The following CHD5 variants were observed in gnomAD, a reference collection of about 807,000 sequenced individuals.
CHD5 encodes chromodomain helicase DNA binding protein 5, also known as ATP-dependent chromatin remodeler CHD5.
In CHD5, 69 loss-of-function variants were observed where a neutral mutation model predicts 230.3. That is an observed-to-expected ratio of 0.30 (90% CI 0.25 to 0.37). The LOEUF is 0.37. Among genes scored for constraint, CHD5 ranks in the 10% least tolerant of loss-of-function variants. The probability of loss-of-function intolerance (pLI) is 1.00; values close to 1 mark genes in which losing one functional copy is unlikely to be tolerated. For missense variants in CHD5, 1,827 were observed against 2,622.8 expected (o/e 0.70, Z 6.63); for synonymous variants, 1,064 against 1,065.9 (o/e 1.00, Z 0.03).
At position 6,131,015 on chromosome 1, in the gene CHD5, C is replaced by T. The variant is rs191686224; in HGVS notation, c.3262+616G>A. ...ATCACTGCTTTGGGCGTTTGGAGAG[C>T]GTGGCCCCAGCCCCTAAGGGCTGAC... On this transcript the variant is annotated intron_variant, in intron 21 of 41. Coordinates refer to ENST00000262450, the MANE Select transcript of CHD5 (RefSeq NM_015557.3). The surrounding 1 kb of genome is among the most constrained non-coding windows in gnomAD (Gnocchi z 5.0). Among the ~76,000 whole-genome samples, 75 of 152,382 alleles carry T rather than the reference C, an allele frequency of 4.9e-4. No homozygotes were observed. The highest frequency in any genetic ancestry group is 1.7e-3 in the African/African-American group (71 of 41,596).
In CHD5 at chr1:6,154,296, G is replaced by A. The variant is rs1667047863; in HGVS notation, c.745+364C>T. 6.6e-6 allele frequency among the ~76,000 whole-genome samples: 1 copy of A among 152,150 alleles called. No homozygotes were observed. ...GGCACAGGCTCAAACCCAAGAGCCT[G>A]CCAACTCCCAGAAACCCAGGCTGGA... On this transcript the variant is annotated intron_variant, in intron 5 of 41. Transcript: ENST00000262450. This position sits in a 1 kb window ranked among gnomAD's most constrained non-coding sequence, Gnocchi z 7.0.
rs1362562444 is a variant in CHD5, at chr1:6,121,062, C to A, written c.4912+43G>T. 6 of 1,536,542 alleles carry A rather than the reference C, an allele frequency of 3.9e-6. No homozygotes were observed. The highest frequency in any genetic ancestry group is 3.5e-6 in the Non-Finnish European group (4 of 1,146,014). On this transcript the variant is annotated intron_variant, in intron 33 of 41. Coordinates refer to ENST00000262450, the MANE Select transcript of CHD5 (RefSeq NM_015557.3). The surrounding 1 kb of genome is among the most constrained non-coding windows in gnomAD (Gnocchi z 4.5). ...TTCTCTGAACCCAGGCCTGCTGAGGCCAGACATGGCACTGGGGTGGGTGGC... is the reference window on the plus strand; with the variant it reads ...TTCTCTGAACCCAGGCCTGCTGAGGACAGACATGGCACTGGGGTGGGTGGC...
intron 3 of CHD5, among the ~76,000 whole-genome samples, chr1:6,157,612 C>T (rs949272378): frequency 3.3e-5 from 5 of 152,154 alleles, no homozygotes; most frequent in African/African-American, 9.7e-5. Context: ...ATCCAGGCTG[C>T]GGGAGGCCTC....
chr1:6,158,630 A>C (rs1026007256), intron 3 of CHD5, among the ~76,000 whole-genome samples: 1 of 152,018 alleles, frequency 6.6e-6, no homozygotes, highest in Non-Finnish European at 1.5e-5. Flanking sequence ...TCCTTCTAAA[A>C]AAGAAAAAAA....
At chr1:6,107,001 T>G (rs1187280376) in intron 38 of CHD5, among the ~76,000 whole-genome samples, 4 of 65,246 alleles carry the variant, frequency 6.1e-5, no homozygotes, top group Non-Finnish European at 8.8e-5. Context: ...GATGGAGGGA[T>G]GATGGAGGGA....
chr1:6,178,440 TAACA>T (rs1337994795), intron 1 of CHD5, among the ~76,000 whole-genome samples: 1 of 152,042 alleles, frequency 6.6e-6, no homozygotes, highest in Admixed American at 6.5e-5. Flanking sequence ...CCAAACACCA[TAACA>T]AACAACTTGC....
chr1:6,130,450 A>G lies in CHD5; in HGVS notation c.3263-122T>C. 2.1e-6 allele frequency: 2 copies of G among 938,216 alleles called. No individual in the cohort carries two copies. The highest frequency in any genetic ancestry group is 3.2e-5 in the South Asian group (2 of 61,960). 58.1% of individuals were successfully genotyped at this position (938,216 alleles called of 1,614,324 possible). On this transcript the variant is annotated intron_variant, in intron 21 of 41. Coordinates refer to ENST00000262450, the MANE Select transcript of CHD5 (RefSeq NM_015557.3). The surrounding 1 kb of genome is among the most constrained non-coding windows in gnomAD (Gnocchi z 4.9). The stretch of plus-strand genomic sequence containing the variant: ...AACAGATCCCTGGCAGAGAAGGACA[A>G]AGCCGGAGACCCCATCAGAGACGGG...
rs1666710352 is a variant in CHD5 at position 6,134,599 on chromosome 1, G to A, written c.3012+119C>T. The A allele has an allele frequency of 1.8e-6, 2 of 1,127,370 alleles. No homozygotes were observed. Among genetic ancestry groups the A allele is most frequent in the Non-Finnish European group, 2.6e-6 (2 of 757,708 alleles). The allele number at this position is 1,127,370 out of a possible 1,614,324, so 69.8% of individuals were successfully genotyped here. ...AGGGAAACCTACCATGACAGCCACA[G>A]AAATCGCCACAATGGCCAGGAGAAC... On this transcript the variant is annotated intron_variant, in intron 19 of 41. Transcript: ENST00000262450. This position sits in a 1 kb window ranked among gnomAD's most constrained non-coding sequence, Gnocchi z 6.3.
At chr1:6,173,974 G>A (rs1320025291) in intron 1 of CHD5, among the ~76,000 whole-genome samples, 2 of 152,216 alleles carry the variant, frequency 1.3e-5, no homozygotes, top group African/African-American at 4.8e-5. Flanking sequence ...TCAGTCCTGA[G>A]TGGGGAGTGG....
chr1:6,180,090 C>G lies in CHD5; in HGVS notation c.-67G>C. ...GCCGGGCGCGGTGCCAGCCTTAACC[C>G]GTGCGCTGCCGGACCGGCGCGCGCG... On this transcript the variant is annotated 5_prime_UTR_variant, in exon 1 of 42. Transcript: ENST00000262450. The G allele has an allele frequency of 2.4e-6, 2 of 820,300 alleles. No individual in the cohort carries two copies. Among genetic ancestry groups the G allele is most frequent in the Non-Finnish European group, 3.1e-6 (2 of 647,866 alleles). 50.8% of individuals were successfully genotyped at this position (820,300 alleles called of 1,614,324 possible).
intron 2 of CHD5, among the ~76,000 whole-genome samples, chr1:6,165,552 C>T (rs895682250): frequency 1.3e-5 from 2 of 152,052 alleles, no homozygotes; most frequent in African/African-American, 2.4e-5. Context: ...CACATCACCC[C>T]GAGCCCATGG....
chr1:6,136,680 G>A, intron 16 of CHD5, 42 bp from the exon 17 acceptor site: 1 of 1,611,010 alleles, frequency 6.2e-7, no homozygotes, highest in Non-Finnish European at 8.5e-7. Context: ...GCTCTGGGCG[G>A]CCCCTCGCCC....
In CHD5 at chr1:6,151,175, C is replaced by T; in HGVS notation, c.871-20G>A. On this transcript the variant is annotated intron_variant, in intron 6 of 41. Coordinates refer to ENST00000262450, the MANE Select transcript of CHD5 (RefSeq NM_015557.3). ...TTCACTCTGCAGGGGAAGACAGGGTCCTGTGATCCCAGGGCTTCACCCAGA... is the reference window on the plus strand; with the variant it reads ...TTCACTCTGCAGGGGAAGACAGGGTTCTGTGATCCCAGGGCTTCACCCAGA... 1 of 1,593,058 alleles carries T rather than the reference C, an allele frequency of 6.3e-7. No homozygotes were observed. The highest frequency in any genetic ancestry group is 8.6e-7 in the Non-Finnish European group (1 of 1,167,588).
chr1:6,106,558 G>A, intron 39 of CHD5, 49 bp from the exon 40 acceptor site: 1 of 1,550,478 alleles, frequency 6.4e-7, no homozygotes, highest in South Asian at 1.2e-5. Context: ...CCCCCACCCA[G>A]CCTCCACCCA....
Position 6,148,910 on chromosome 1 carries a change from G to A in CHD5, c.1327C>T (p.Leu443Phe). The change falls in exon 9 of 42, where the codon CTC becomes TTC. Residue 443 changes from leucine (L) to phenylalanine (F), a missense_variant. Coordinates refer to ENST00000262450, the MANE Select transcript of CHD5 (RefSeq NM_015557.3). ...ACPSSYHLHCLNPPLPEIPNG... is the reference protein window; with the variant it reads ...ACPSSYHLHCFNPPLPEIPNG... Reference sequence around the variant, plus strand: ...GGGATCTCGGGCAGCGGCGGGTTGAGGCAATGCAGGTGGTAGGAGGAGGGG... The same window carrying A: ...GGGATCTCGGGCAGCGGCGGGTTGAAGCAATGCAGGTGGTAGGAGGAGGGG... 6.3e-7 allele frequency: 1 copy of A among 1,591,908 alleles called. No individual in the cohort carries two copies. The highest frequency in any genetic ancestry group is 8.6e-7 in the Non-Finnish European group (1 of 1,168,330).
In CHD5 at chr1:6,128,164, A is replaced by G; in HGVS notation, c.3785T>C (p.Ile1262Thr). The change falls in exon 25 of 42, where the codon ATC (isoleucine) becomes ACC (threonine). Residue 1262 changes from isoleucine to threonine, a missense_variant. By Grantham distance (89) the Ile-to-Thr change is moderately conservative. Coordinates refer to ENST00000262450, the MANE Select transcript of CHD5 (RefSeq NM_015557.3). The surrounding 1 kb of genome is among the most constrained non-coding windows in gnomAD (Gnocchi z 7.8). ...CTGGTTCCGGTCCAGCAGCTTGGAG[A>G]TGGCCGCATCGTCATAGTGGATCAC... ...SSVIHYDDAA[I>T]SKLLDRNQDA... 2 of 1,614,052 alleles carry G rather than the reference A, an allele frequency of 1.2e-6. No homozygotes were observed. The highest frequency in any genetic ancestry group is 1.7e-6 in the Non-Finnish European group (2 of 1,179,996).
chr1:6,135,119 C>G (rs368976821), intron 18 of CHD5, 111 bp downstream of exon 18: 1 of 1,285,856 alleles, frequency 7.8e-7, no homozygotes, highest in African/African-American at 1.5e-5. Flanking sequence ...AAGCATTAGC[C>G]GAGACCTCAG....
chr1:6,104,818 G>A lies in CHD5; in HGVS notation c.*656C>T, dbSNP rs1038186486. The A allele has an allele frequency of 6.5e-6, 1 of 152,912 alleles. No homozygotes were observed. Among genetic ancestry groups the A allele is most frequent in the African/African-American group, 2.4e-5 (1 of 41,444 alleles). The allele number at this position is 152,912 out of a possible 1,614,324, so 9.5% of individuals were successfully genotyped here. A position where few individuals can be genotyped will look rare whatever the true frequency, so the allele number is the denominator to read the frequency against. On this transcript the variant is annotated 3_prime_UTR_variant, in exon 42 of 42. Transcript: ENST00000262450. ...CGGCCTCCAGCCTTGGCAGGAAGGAGGGGAAATGTCAGCCAGGGTCTCACC... is the reference window on the plus strand; with the variant it reads ...CGGCCTCCAGCCTTGGCAGGAAGGAAGGGAAATGTCAGCCAGGGTCTCACC...
At chr1:6,156,117 C>T (rs1238642899) in intron 3 of CHD5, among the ~76,000 whole-genome samples, 2 of 152,234 alleles carry the variant, frequency 1.3e-5, no homozygotes, top group Non-Finnish European at 2.9e-5. Context: ...GACAACAGAA[C>T]TTGCCCTCTG....
Sources: gnomAD v4.1 joint callset for allele counts (sites outside exome capture counted in the v4.1 genomes callset) on GRCh38, gnomAD v4.1.1 for gene constraint, Gnocchi (gnomAD v3.1) non-coding constraint, MANE v1.5 for transcripts, NCBI Gene and HGNC (gene_info 2026-07-23, HGNC 2026-07-21) for gene names.